GALNT17: variants seen among roughly 807,000 people sequenced by gnomAD.
GALNT17 encodes the protein UDP-GalNAc:polypeptide N-acetylgalactosaminyltransferase-like 3.
GALNT17 carries 29 observed loss-of-function variants against 63.7 expected under a neutral mutation model. That is an observed-to-expected ratio of 0.46 (90% CI 0.34 to 0.62). GALNT17 has a LOEUF of 0.62. Among genes scored for constraint, GALNT17 ranks in the 20% least tolerant of loss-of-function variants. The pLI, the probability that GALNT17 is intolerant of heterozygous loss-of-function variation, is 0.01. For synonymous variants in GALNT17, 305 were observed against 318.3 expected (o/e 0.96, Z 0.45); for missense variants, 603 against 799.6 (o/e 0.75, Z 2.97).
intron 6 of GALNT17, among the ~76,000 whole-genome samples, chr7:71,606,647 A>G (rs1034955730): frequency 6.6e-6 from 1 of 152,136 alleles, no homozygotes; most frequent in African/African-American, 2.4e-5. Context: ...TTCTCCTAGT[A>G]TATAAACAGG....
chr7:71,217,431 T>G (rs1789505462), intron 1 of GALNT17, among the ~76,000 whole-genome samples: 1 of 152,186 alleles, frequency 6.6e-6, no homozygotes, highest in Admixed American at 6.5e-5. Context: ...ATTGTTGCAT[T>G]TGATTTACCA....
intron 5 of GALNT17, among the ~76,000 whole-genome samples, chr7:71,534,054 G>A (rs1584031581): frequency 6.6e-6 from 1 of 152,160 alleles, no homozygotes; most frequent in African/African-American, 2.4e-5. Flanking sequence ...AGGCCTGATG[G>A]TTGGTTTTCT....
chr7:71,262,086 G>A (rs999597814), intron 1 of GALNT17, among the ~76,000 whole-genome samples: 24 of 152,054 alleles, frequency 1.6e-4, no homozygotes, highest in African/African-American at 5.8e-4. Context: ...GAATTGCCCT[G>A]TTGGTTTCTT....
rs552734279 is a variant in GALNT17 at position 71,416,839 on chromosome 7, G to A, written c.764+776G>A. On this transcript the variant is annotated intron_variant, in intron 4 of 10. Transcript: ENST00000333538. ...TATGGGATTATCTTTCACATCATTC[G>A]GAGGAAGGTGAAGCGCATTTTCTGC... Among the ~76,000 whole-genome samples the A allele has an allele frequency of 2.2e-3, 337 of 152,196 alleles. 3 individuals carry two copies. The highest frequency in any genetic ancestry group is 2.2e-3 in the Non-Finnish European group (153 of 68,034).
intron 9 of GALNT17, among the ~76,000 whole-genome samples, chr7:71,696,587 T>C (rs1262608976): frequency 2.0e-5 from 3 of 152,254 alleles, no homozygotes; most frequent in Non-Finnish European, 4.4e-5. Flanking sequence ...TTTTTGTTTA[T>C]CTGGCTATAA....
intron 5 of GALNT17, among the ~76,000 whole-genome samples, chr7:71,513,094 T>G (rs770461514): frequency 1.3e-5 from 2 of 152,214 alleles, no homozygotes; most frequent in Non-Finnish European, 2.9e-5. Context: ...CAGGGATGGT[T>G]GTTGTAACTA....
intron 5 of GALNT17, among the ~76,000 whole-genome samples, chr7:71,498,546 G>T (rs1214564658): frequency 1.3e-5 from 2 of 152,180 alleles, no homozygotes; most frequent in Non-Finnish European, 2.9e-5. Context: ...TAGCGTCATA[G>T]TTGGAGTCAG....
intron 5 of GALNT17, among the ~76,000 whole-genome samples, chr7:71,528,315 A>G (rs1326375326): frequency 6.6e-6 from 1 of 152,178 alleles, no homozygotes; most frequent in Non-Finnish European, 1.5e-5. Context: ...GTCTGCCATT[A>G]GATATGGCCA....
At chr7:71,314,430 A>G (rs1330983670) in intron 1 of GALNT17, among the ~76,000 whole-genome samples, 1 of 152,166 alleles carries the variant, frequency 6.6e-6, no homozygotes, top group Non-Finnish European at 1.5e-5. Context: ...GAACTGGATA[A>G]TGACTCAACA....
chr7:71,351,669 G>C (rs922997039), intron 2 of GALNT17, among the ~76,000 whole-genome samples: 4 of 152,100 alleles, frequency 2.6e-5, no homozygotes, highest in African/African-American at 9.7e-5. Flanking sequence ...GGCAAGGAAG[G>C]ATTCTCCTCT....
chr7:71,475,186 G>A (rs1787702794), intron 5 of GALNT17, among the ~76,000 whole-genome samples: 1 of 152,210 alleles, frequency 6.6e-6, no homozygotes, highest in Non-Finnish European at 1.5e-5. Flanking sequence ...ACCAGGGACT[G>A]GCTTCATGGA....
At chr7:71,390,014 G>A (rs1358165483) in intron 3 of GALNT17, among the ~76,000 whole-genome samples, 1 of 152,096 alleles carries the variant, frequency 6.6e-6, no homozygotes. Context: ...CCTTTGTGTT[G>A]GATCCCAACC....
Position 71,214,579 on chromosome 7 carries a change from C to CTTT in GALNT17, c.238+81552_238+81554dup, listed in dbSNP as rs11442081. ...ATTTTTCTGTTACTTCTTGATTTGG[C>CTTT]TTTTTTTTTTTTTTTGACATGGTGT... On this transcript the variant is annotated intron_variant, in intron 1 of 10. Transcript: ENST00000333538. Among the ~76,000 whole-genome samples, 209 of 138,072 alleles carry CTTT rather than the reference C, an allele frequency of 1.5e-3. 2 individuals carry two copies. Among genetic ancestry groups the CTTT allele is most frequent in the East Asian group, 3.4e-3 (16 of 4,704 alleles). The allele number at this position is 138,072 out of a possible 152,430, so 90.6% of individuals were successfully genotyped here. A position where few individuals can be genotyped will look rare whatever the true frequency, so the allele number is the denominator to read the frequency against.
chr7:71,277,102 G>C (rs999323541), intron 1 of GALNT17, among the ~76,000 whole-genome samples: 2 of 152,342 alleles, frequency 1.3e-5, no homozygotes, highest in South Asian at 4.1e-4. Flanking sequence ...GTGTGCATCA[G>C]TGGTGGGTTG....
At chr7:71,661,057 A>G (rs777473901) in intron 6 of GALNT17, among the ~76,000 whole-genome samples, 3 of 152,178 alleles carry the variant, frequency 2.0e-5, no homozygotes, top group Non-Finnish European at 2.9e-5. Context: ...TCCTCTGCAT[A>G]TATCTATATG....
At chr7:71,445,142 C>T (rs947257598) in intron 5 of GALNT17, among the ~76,000 whole-genome samples, 2 of 151,216 alleles carry the variant, frequency 1.3e-5, no homozygotes, top group African/African-American at 2.4e-5. Flanking sequence ...AGCTATAGCA[C>T]CTCCCAGGGT....
intron 2 of GALNT17, among the ~76,000 whole-genome samples, chr7:71,353,928 C>T (rs1168474567): frequency 6.6e-6 from 1 of 152,126 alleles, no homozygotes; most frequent in Non-Finnish European, 1.5e-5. Context: ...TCTGCTGGGC[C>T]TCCGGGGAGG....
intron 5 of GALNT17, among the ~76,000 whole-genome samples, chr7:71,495,045 T>C (rs1584001824): frequency 6.6e-6 from 1 of 151,948 alleles, no homozygotes. Flanking sequence ...CTGAGGCAGG[T>C]AGATCACCTG....
intron 1 of GALNT17, among the ~76,000 whole-genome samples, chr7:71,205,713 T>G (rs1789259747): frequency 6.6e-6 from 1 of 152,196 alleles, no homozygotes; most frequent in African/African-American, 2.4e-5. Context: ...TCATTGTTAG[T>G]GTATAGAAAT....
Sources: allele counts gnomAD v4.1 joint callset (sites outside exome capture counted in the v4.1 genomes callset), GRCh38; gene constraint gnomAD v4.1.1; transcripts MANE v1.5; gene names NCBI Gene and HGNC (gene_info 2026-07-23, HGNC 2026-07-21).